Variants in NBEAL1 observed in about 807,000 individuals in gnomAD.
NBEAL1 encodes neurobeachin like 1.
In NBEAL1, 273 loss-of-function variants were observed where a neutral mutation model predicts 351.3. The ratio of observed to expected loss-of-function variants is 0.78; its 90% CI spans 0.70 to 0.86. The LOEUF (loss-of-function observed/expected upper bound fraction) is 0.86. NBEAL1 is among the 40% of genes least tolerant of loss of function. NBEAL1 has a pLI of 0.00. For synonymous variants in NBEAL1, 1,050 were observed against 1,086.4 expected, an observed-to-expected ratio of 0.97 and a Z score of 0.66; for missense variants, 2,961 against 3,201.3, an observed-to-expected ratio of 0.92 and a Z score of 1.81.
chr2:203,020,369 A>G (rs1008454703), intron 2 of NBEAL1, among the ~76,000 whole-genome samples: 1 of 152,186 alleles, frequency 6.6e-6, no homozygotes, highest in Non-Finnish European at 1.5e-5. Context: ...GTATAAGACT[A>G]TTAATTCAAG....
rs750426216 is a variant in NBEAL1 at position 203,138,657 on chromosome 2, C to G, written c.4757C>G (p.Ser1586Ter). The change falls in exon 31 of 56, where the codon TCA (serine) becomes TGA (stop). Residue 1586 changes from serine (S) to a stop codon, truncating the protein, a stop_gained. Transcript: ENST00000683969. LOFTEE classifies it high-confidence loss of function. ...ATGATGCTGCTCTTTGACTGTCTGTCAGTCTGCTATTCTGAAAGTCCAGTA... is the reference window on the plus strand; with the variant it reads ...ATGATGCTGCTCTTTGACTGTCTGTGAGTCTGCTATTCTGAAAGTCCAGTA... ...EDMMLLFDCL[S>*]VCYSESPVWV... The G allele has an allele frequency of 1.9e-6, 3 of 1,612,352 alleles. No homozygotes were observed. The Admixed American group carries it at 5.0e-5, about 27-fold the overall frequency.
chr2:203,171,685 T>TG (rs1365774598), intron 39 of NBEAL1, among the ~76,000 whole-genome samples: 2 of 151,662 alleles, frequency 1.3e-5, no homozygotes, highest in Non-Finnish European at 2.9e-5. Context: ...AGGTTTTTTT[T>TG]TTTTAGGAAA....
At chr2:203,179,359 A>G (rs1297050509) in intron 42 of NBEAL1, among the ~76,000 whole-genome samples, 3 of 152,216 alleles carry the variant, frequency 2.0e-5, no homozygotes, top group African/African-American at 7.2e-5. Flanking sequence ...AGTCCCAGCT[A>G]CTTGGAAGGC....
chr2:203,193,668 C>T (rs2065158153), intron 46 of NBEAL1, 127 bp from the exon 47 acceptor site: 1 of 547,938 alleles, frequency 1.8e-6, no homozygotes, highest in Non-Finnish European at 3.2e-6. Context: ...TCTGAGCCAA[C>T]ACCTATAATT....
intron 2 of NBEAL1, among the ~76,000 whole-genome samples, chr2:203,024,908 C>T (rs533032653): frequency 3.7e-4 from 57 of 152,158 alleles, no homozygotes; most frequent in African/African-American, 1.3e-3. Context: ...AAATTGATGG[C>T]TTTTCCAAAA....
At chr2:203,105,544 G>A (rs188445070) in intron 12 of NBEAL1, among the ~76,000 whole-genome samples, 2 of 152,070 alleles carry the variant, frequency 1.3e-5, no homozygotes, top group Admixed American at 1.3e-4. Context: ...TCTGCTGTTA[G>A]CCTGATGTAT....
intron 2 of NBEAL1, among the ~76,000 whole-genome samples, chr2:203,022,164 G>A (rs2060783479): frequency 2.0e-5 from 3 of 152,114 alleles, no homozygotes; most frequent in Admixed American, 2.0e-4. Flanking sequence ...TAGCCTTTTG[G>A]GAGTGCTGCA....
At chr2:203,070,538 G>A (rs764403311) in intron 7 of NBEAL1, among the ~76,000 whole-genome samples, 3 of 151,844 alleles carry the variant, frequency 2.0e-5, no homozygotes, top group Non-Finnish European at 2.9e-5. Flanking sequence ...GTGTTAGTTC[G>A]TTCCCACACT....
rs968838140 is a variant in NBEAL1, at chr2:203,108,336, A to G, written c.1949+148A>G. On this transcript the variant is annotated intron_variant, in intron 14 of 55. Coordinates refer to ENST00000683969, the MANE Select transcript of NBEAL1 (RefSeq NM_001378026.1). The stretch of plus-strand genomic sequence containing the variant: ...TCATCCTTAGGCTTTATACAGTTTA[A>G]TTATAAGTGCTTTATTGCTTTCATA... 5 of 616,878 alleles carry G rather than the reference A, an allele frequency of 8.1e-6. No homozygotes were observed. The African/African-American group carries it at 9.3e-5, about 11-fold the overall frequency. 38.2% of individuals were successfully genotyped at this position (616,878 alleles called of 1,614,324 possible). A position where few individuals can be genotyped will look rare whatever the true frequency, so the allele number is the denominator to read the frequency against.
At position 203,213,135 on chromosome 2, in the gene NBEAL1, A is replaced by G. The variant is rs972714331; in HGVS notation, c.7935-383A>G. Among the ~76,000 whole-genome samples, 3 of 152,224 alleles carry G rather than the reference A, an allele frequency of 2.0e-5. 1 individual carries two copies. In the South Asian group the frequency reaches 6.2e-4, roughly 32 times the overall value. ...ACGTAAAGACTATTTACCTTAGATA[A>G]ATGATGAATGTAATAATAAGATGTA... On this transcript the variant is annotated intron_variant, in intron 54 of 55. Transcript: ENST00000683969.
At chr2:203,136,985 T>A (rs2063228594) in intron 29 of NBEAL1, among the ~76,000 whole-genome samples, 1 of 152,222 alleles carries the variant, frequency 6.6e-6, no homozygotes, top group Non-Finnish European at 1.5e-5. Context: ...GAGGTTTAAG[T>A]CTTAAGTAAA....
chr2:203,024,649 G>T (rs1156333088), intron 2 of NBEAL1, among the ~76,000 whole-genome samples: 1 of 151,962 alleles, frequency 6.6e-6, no homozygotes, highest in Non-Finnish European at 1.5e-5. Flanking sequence ...GATCACTTGA[G>T]GCCAGGAGTT....
intron 55 of NBEAL1, among the ~76,000 whole-genome samples, chr2:203,215,643 G>A (rs2065883437): frequency 2.0e-5 from 3 of 151,550 alleles, no homozygotes; most frequent in South Asian, 4.2e-4. Context: ...AACCAAGATC[G>A]TGCCACTGCA....
At chr2:203,110,767 C>CT (rs71034215) in intron 15 of NBEAL1, among the ~76,000 whole-genome samples, 81,744 of 106,080 alleles carry the variant, frequency 0.77, 33,848 homozygotes, top group East Asian at 0.92. Context: ...TTTCTTTTTT[C>CT]TTTTTTTTTT....
chr2:203,141,644 A>G (rs1480635587), intron 31 of NBEAL1, among the ~76,000 whole-genome samples: 5 of 151,542 alleles, frequency 3.3e-5, no homozygotes, highest in African/African-American at 4.8e-5. Flanking sequence ...CATCCTCCCA[A>G]AGTTCTGGAA....
rs2064163754 is a variant in NBEAL1, at chr2:203,167,308, T to C, written c.5945T>C (p.Leu1982Pro). 3 of 1,612,970 alleles carry C rather than the reference T, an allele frequency of 1.9e-6. No homozygotes were observed. The highest frequency in any genetic ancestry group is 1.3e-5 in the African/African-American group (1 of 74,896). ...LRRYNLRRSA[L>P]EIFHVDQSNY... Reference sequence around the variant, plus strand: ...CGTTACAATTTAAGAAGATCAGCCCTTGAGATTTTTCATGTTGACCAATCC... The same window carrying C: ...CGTTACAATTTAAGAAGATCAGCCCCTGAGATTTTTCATGTTGACCAATCC... Residue 1982 changes from leucine (L) to proline (P), a missense_variant, in exon 38 of 56, where the codon CTT (leucine) becomes CCT (proline). Leu to Pro is a moderately conservative substitution (Grantham distance 98). Transcript: ENST00000683969.
chr2:203,068,369 T>G (rs573247679), intron 6 of NBEAL1, 24 bp from the exon 7 acceptor site: 1 of 1,320,228 alleles, frequency 7.6e-7, no homozygotes, highest in Admixed American at 2.4e-5. Flanking sequence ...TTGTAACTTA[T>G]TATTAACTTC....
chr2:203,138,511 G>A, intron 30 of NBEAL1, 109 bp from the exon 31 acceptor site: 1 of 1,208,188 alleles, frequency 8.3e-7, no homozygotes, highest in South Asian at 1.6e-5. Context: ...CTGAACATTG[G>A]ACTAGCTTTT....
intron 2 of NBEAL1, among the ~76,000 whole-genome samples, chr2:203,039,143 T>C (rs2061087178): frequency 1.3e-5 from 2 of 148,436 alleles, no homozygotes; most frequent in Admixed American, 6.8e-5. Flanking sequence ...GTCTTTCTTG[T>C]CTGTCTTGTC....
Sources: allele counts gnomAD v4.1 joint callset (sites outside exome capture counted in the v4.1 genomes callset), GRCh38; gene constraint gnomAD v4.1.1; transcripts MANE v1.5; gene names NCBI Gene and HGNC (gene_info 2026-07-23, HGNC 2026-07-21).